PCDH15: variants seen among roughly 807,000 people sequenced by gnomAD.
The protein encoded by PCDH15 is protocadherin-15.
In PCDH15, 129 loss-of-function variants were observed where a neutral mutation model predicts 178.5. The observed-to-expected ratio is 0.72, with a 90% CI of 0.63 to 0.84. The LOEUF (loss-of-function observed/expected upper bound fraction) is 0.84, where lower values mean the gene tolerates loss of function less well. Among genes scored for constraint, PCDH15 ranks in the 40% least tolerant of loss-of-function variants. PCDH15 has a pLI of 0.00. For missense variants in PCDH15, 2,230 were observed against 2,099.9 expected, an observed-to-expected ratio of 1.06 and a Z score of -1.21; for synonymous variants, 800 against 732.0, an observed-to-expected ratio of 1.09 and a Z score of -1.50.
chr10:54,665,880 C>A (rs1382292235), intron 1 of PCDH15, among the ~76,000 whole-genome samples: 1 of 151,958 alleles, frequency 6.6e-6, no homozygotes, highest in Non-Finnish European at 1.5e-5. Flanking sequence ...ACAATCCACA[C>A]TAACCTGTAG....
chr10:55,340,471 T>G (rs1245492002), intron 2 of PCDH15, among the ~76,000 whole-genome samples: 1 of 151,976 alleles, frequency 6.6e-6, no homozygotes, highest in Non-Finnish European at 1.5e-5. Flanking sequence ...CTACTCAGTG[T>G]GCATTTGTTA....
At chr10:54,248,437 A>G (rs1225400362) in intron 8 of PCDH15, among the ~76,000 whole-genome samples, 1 of 152,066 alleles carries the variant, frequency 6.6e-6, no homozygotes, top group Non-Finnish European at 1.5e-5. Flanking sequence ...TATATCCAAT[A>G]ATAAATTCAT....
At chr10:55,201,065 T>G (rs1840234533) in intron 1 of PCDH15, among the ~76,000 whole-genome samples, 1 of 152,104 alleles carries the variant, frequency 6.6e-6, no homozygotes, top group Non-Finnish European at 1.5e-5. Context: ...GTATCCTTAG[T>G]ATAGTGACTG....
At chr10:55,047,605 G>A (rs1841045096) in intron 2 of PCDH15, among the ~76,000 whole-genome samples, 1 of 151,878 alleles carries the variant, frequency 6.6e-6, no homozygotes, top group Non-Finnish European at 1.5e-5. Flanking sequence ...CAAGCACTAA[G>A]GTTTGGAGAG....
intron 3 of PCDH15, among the ~76,000 whole-genome samples, chr10:54,414,346 G>T (rs949954077): frequency 1.3e-5 from 2 of 151,900 alleles, no homozygotes; most frequent in Non-Finnish European, 2.9e-5. Context: ...AAACATTTTT[G>T]GAGGGTTTTG....
At chr10:54,350,284 G>A (rs898903030) in intron 5 of PCDH15, among the ~76,000 whole-genome samples, 1 of 152,088 alleles carries the variant, frequency 6.6e-6, no homozygotes, top group Non-Finnish European at 1.5e-5. Context: ...GCTGACAGGG[G>A]AGGATGGGCA....
At chr10:54,737,786 G>C (rs1451893719) in intron 1 of PCDH15, among the ~76,000 whole-genome samples, 1 of 152,068 alleles carries the variant, frequency 6.6e-6, no homozygotes, top group African/African-American at 2.4e-5. Context: ...TTGTGAGTTA[G>C]GCACCTCTCC....
chr10:53,952,045 G>T (rs1224877354), intron 23 of PCDH15, among the ~76,000 whole-genome samples: 2 of 152,198 alleles, frequency 1.3e-5, no homozygotes, highest in Non-Finnish European at 2.9e-5. Flanking sequence ...CCAGTAGATT[G>T]GAGACAACAG....
chr10:55,151,979 G>A (rs1838735116), intron 2 of PCDH15, among the ~76,000 whole-genome samples: 1 of 152,020 alleles, frequency 6.6e-6, no homozygotes, highest in Non-Finnish European at 1.5e-5. Context: ...TGAACTGTGA[G>A]TGCTATAGGA....
intron 1 of PCDH15, among the ~76,000 whole-genome samples, chr10:54,688,279 G>A (rs955692117): frequency 6.6e-6 from 1 of 151,974 alleles, no homozygotes; most frequent in African/African-American, 2.4e-5. Flanking sequence ...GGTAGGCTGG[G>A]TAAGTCATTT....
At chr10:54,103,382 G>A (rs551583776) in intron 15 of PCDH15, among the ~76,000 whole-genome samples, 125 of 152,258 alleles carry the variant, frequency 8.2e-4, no homozygotes, top group African/African-American at 2.8e-3. Context: ...ATGGTTGAGC[G>A]CCACCACTTG....
At chr10:54,573,843 T>A (rs1047178435) in intron 2 of PCDH15, among the ~76,000 whole-genome samples, 2 of 152,146 alleles carry the variant, frequency 1.3e-5, no homozygotes, top group Non-Finnish European at 2.9e-5. Flanking sequence ...TTTGTAGCAG[T>A]CCCTGCACCT....
intron 13 of PCDH15, among the ~76,000 whole-genome samples, chr10:54,167,793 CG>C (rs2046398804): frequency 6.6e-6 from 1 of 151,210 alleles, no homozygotes; most frequent in Non-Finnish European, 1.5e-5. Context: ...ACCCCAACCT[CG>C]TATCTCTGTG....
At chr10:54,834,709 T>C (rs1267155826) in intron 3 of PCDH15, among the ~76,000 whole-genome samples, 2 of 152,182 alleles carry the variant, frequency 1.3e-5, no homozygotes, top group African/African-American at 2.4e-5. Context: ...ATTTAAGATG[T>C]CTTAGTTTAT....
At chr10:55,372,275 C>A (rs1466343910) in intron 2 of PCDH15, among the ~76,000 whole-genome samples, 1 of 152,086 alleles carries the variant, frequency 6.6e-6, no homozygotes, top group Non-Finnish European at 1.5e-5. Flanking sequence ...CATTTTAATT[C>A]AAGTTTTCTT....
intron 2 of PCDH15, among the ~76,000 whole-genome samples, chr10:55,119,978 TG>T (rs1487455723): frequency 2.0e-5 from 3 of 151,956 alleles, no homozygotes; most frequent in East Asian, 1.9e-4. Context: ...TTGTCTTAAA[TG>T]TTTTTTTTTT....
intron 23 of PCDH15, among the ~76,000 whole-genome samples, chr10:53,958,516 T>C (rs1424772308): frequency 2.0e-5 from 3 of 152,306 alleles, no homozygotes; most frequent in South Asian, 4.1e-4. Context: ...ATTTTTCATA[T>C]AGTTATTTGT....
At chr10:55,111,214 G>A (rs1398536936) in intron 2 of PCDH15, among the ~76,000 whole-genome samples, 1 of 152,066 alleles carries the variant, frequency 6.6e-6, no homozygotes, top group East Asian at 1.9e-4. Flanking sequence ...CAGAAAAGTG[G>A]TATAGATTAA....
intron 2 of PCDH15, among the ~76,000 whole-genome samples, chr10:54,932,762 C>T (rs1837813303): frequency 6.6e-6 from 1 of 151,994 alleles, no homozygotes; most frequent in Non-Finnish European, 1.5e-5. Context: ...GTCTCAAACC[C>T]CTGACTGCAG....
Sources: allele counts gnomAD v4.1 joint callset (sites outside exome capture counted in the v4.1 genomes callset), GRCh38; gene constraint gnomAD v4.1.1; transcripts MANE v1.5; gene names NCBI Gene and HGNC (gene_info 2026-07-23, HGNC 2026-07-21).